The following ZSWIM6 variants were observed in gnomAD, a reference collection of about 807,000 sequenced individuals.
The protein encoded by ZSWIM6 is zinc finger SWIM domain-containing protein 6.
In ZSWIM6, 9 loss-of-function variants were observed where a neutral mutation model predicts 113.2. That is an observed-to-expected ratio of 0.08 (90% confidence interval 0.05 to 0.14). ZSWIM6 has a LOEUF of 0.14. Among genes scored for constraint, ZSWIM6 ranks in the 10% least tolerant of loss-of-function variants. ZSWIM6 has a pLI of 1.00. For synonymous variants in ZSWIM6, 611 were observed against 606.5 expected, an observed-to-expected ratio of 1.01 and a Z score of -0.11; for missense variants, 1,162 against 1,552.2, an observed-to-expected ratio of 0.75 and a Z score of 4.22.
intron 1 of ZSWIM6, among the ~76,000 whole-genome samples, chr5:61,438,991 T>C (rs1265613563): frequency 6.6e-6 from 1 of 152,210 alleles, no homozygotes; most frequent in Non-Finnish European, 1.5e-5. Flanking sequence ...GGCAGCTATA[T>C]TGCAAAAGGG....
chr5:61,428,731 G>C (rs1746516758), intron 1 of ZSWIM6, among the ~76,000 whole-genome samples: 1 of 152,104 alleles, frequency 6.6e-6, no homozygotes, highest in South Asian at 2.1e-4. Flanking sequence ...AAGGGATACA[G>C]AACATGGTCC....
chr5:61,436,625 T>C (rs566632438), intron 1 of ZSWIM6, among the ~76,000 whole-genome samples: 14 of 152,342 alleles, frequency 9.2e-5, no homozygotes, highest in East Asian at 7.7e-4. Flanking sequence ...CAAATACTTA[T>C]TGAGTTGTTA....
At chr5:61,539,787 C>T in intron 12 of ZSWIM6, 28 bp downstream of exon 12, 1 of 1,531,380 alleles carries the variant, frequency 6.5e-7, no homozygotes, top group Non-Finnish European at 8.8e-7. Context: ...TTTCCTGGGA[C>T]ATCAAAGACT....
intron 1 of ZSWIM6, among the ~76,000 whole-genome samples, chr5:61,435,013 A>G (rs1746674953): frequency 1.3e-5 from 2 of 152,162 alleles, no homozygotes; most frequent in Non-Finnish European, 2.9e-5. Context: ...CTCCTTGTGA[A>G]AAGACCCTTG....
chr5:61,384,920 T>C (rs1745562462), intron 1 of ZSWIM6, among the ~76,000 whole-genome samples: 1 of 151,938 alleles, frequency 6.6e-6, no homozygotes, highest in South Asian at 2.1e-4. Flanking sequence ...ATTAACTGGG[T>C]GTGGCGGCAG....
chr5:61,511,967 TTACTA>T (rs1490328073), intron 4 of ZSWIM6, among the ~76,000 whole-genome samples: 2 of 152,168 alleles, frequency 1.3e-5, no homozygotes, highest in Admixed American at 6.6e-5. Context: ...TGTACAAGTC[TTACTA>T]TACTATAAAA....
At chr5:61,333,011 G>GGGGGGGGGCCCCC in intron 1 of ZSWIM6, 63 bp downstream of exon 1, 1 of 1,003,862 alleles carries the variant, frequency 1.0e-6, no homozygotes, top group Non-Finnish European at 1.2e-6. Flanking sequence ...GGGGGGGGGT[G>GGGGGGGGGCCCCC]CCCGCCTTTC....
At chr5:61,449,364 G>GT (rs1356124580) in intron 1 of ZSWIM6, among the ~76,000 whole-genome samples, 2 of 151,956 alleles carry the variant, frequency 1.3e-5, no homozygotes, top group Admixed American at 6.6e-5. Flanking sequence ...TTAGCAATTT[G>GT]TTTTTTAAAT....
At chr5:61,394,658 AAG>A (rs1355467181) in intron 1 of ZSWIM6, among the ~76,000 whole-genome samples, 1 of 152,170 alleles carries the variant, frequency 6.6e-6, no homozygotes. Flanking sequence ...CCAAAAGAGA[AAG>A]GGACACTTGG....
At chr5:61,396,329 C>T (rs189004879) in intron 1 of ZSWIM6, among the ~76,000 whole-genome samples, 73 of 152,054 alleles carry the variant, frequency 4.8e-4, no homozygotes, top group Admixed American at 1.6e-3. Flanking sequence ...GTCAAGAGAT[C>T]GAGACTATCC....
In ZSWIM6 at chr5:61,461,974, C is replaced by T. The variant is rs140003305; in HGVS notation, c.677-10707C>T. Among the ~76,000 whole-genome samples, 924 of 152,160 alleles carry T rather than the reference C, an allele frequency of 6.1e-3. 11 individuals are homozygous for T. The highest frequency in any genetic ancestry group is 0.021 in the African/African-American group (879 of 41,502). On this transcript the variant is annotated intron_variant, in intron 1 of 13. Coordinates refer to ENST00000252744, the MANE Select transcript of ZSWIM6 (RefSeq NM_020928.2). ...TTTAGCCAAGGTAAAAATATATCTA[C>T]CTCACTGTTCTTAAAGCGTACAAAT...
At chr5:61,456,080 C>A (rs1413108394) in intron 1 of ZSWIM6, among the ~76,000 whole-genome samples, 3 of 151,976 alleles carry the variant, frequency 2.0e-5, no homozygotes, top group African/African-American at 7.3e-5. Context: ...ATAGTCTTCC[C>A]TTAAGGTATC....
At chr5:61,365,494 T>C (rs1485427737) in intron 1 of ZSWIM6, among the ~76,000 whole-genome samples, 1 of 152,242 alleles carries the variant, frequency 6.6e-6, no homozygotes, top group Admixed American at 6.5e-5. Context: ...ATATAGTTGC[T>C]GTAATAAGAA....
intron 12 of ZSWIM6, among the ~76,000 whole-genome samples, chr5:61,540,918 T>C (rs1749712920): frequency 1.0e-5 from 1 of 96,608 alleles, no homozygotes; most frequent in Non-Finnish European, 2.2e-5. Context: ...TTTTGTGGGT[T>C]TTTTTTTTTT....
chr5:61,483,732 C>G (rs1437977544), intron 2 of ZSWIM6, among the ~76,000 whole-genome samples: 1 of 149,464 alleles, frequency 6.7e-6, no homozygotes, highest in Non-Finnish European at 1.5e-5. Flanking sequence ...AAAAAATTAG[C>G]CGGGCGTGGT....
chr5:61,355,625 G>A (rs1744890618), intron 1 of ZSWIM6, among the ~76,000 whole-genome samples: 1 of 152,120 alleles, frequency 6.6e-6, no homozygotes, highest in Non-Finnish European at 1.5e-5. Context: ...ATAGTAGATT[G>A]CTACCATTAT....
intron 1 of ZSWIM6, among the ~76,000 whole-genome samples, chr5:61,411,921 T>A (rs1746154938): frequency 6.6e-6 from 1 of 152,208 alleles, no homozygotes; most frequent in Non-Finnish European, 1.5e-5. Context: ...AGCATGCATT[T>A]TCATTTTCAT....
chr5:61,390,614 TCCAG>T, intron 1 of ZSWIM6: 8 of 677,284 alleles, frequency 1.2e-5, no homozygotes, highest in Admixed American at 3.9e-5. Flanking sequence ...ATTTTTTTTT[TCCAG>T]TGGAAAATAA....
intron 4 of ZSWIM6, among the ~76,000 whole-genome samples, chr5:61,505,832 T>C (rs1217326526): frequency 6.6e-6 from 1 of 151,366 alleles, no homozygotes; most frequent in East Asian, 2.0e-4. Context: ...CACTGTAAGC[T>C]CCACCTCCCT....
Sources: allele counts gnomAD v4.1 joint callset (sites outside exome capture counted in the v4.1 genomes callset), GRCh38; gene constraint gnomAD v4.1.1; transcripts MANE v1.5; gene names NCBI Gene and HGNC (gene_info 2026-07-23, HGNC 2026-07-21).